The following OR6Y1 variants were observed in gnomAD, a reference collection of about 807,000 sequenced individuals.
OR6Y1 encodes olfactory receptor 6Y1.
In OR6Y1, 1 loss-of-function variant was observed where a neutral mutation model predicts 0.4. The ratio of observed to expected loss-of-function variants is 2.74; its 90% CI spans 0.97 to 13.02. The LOEUF (loss-of-function observed/expected upper bound fraction) is 13.02. OR6Y1 is among the 30% of genes most tolerant of loss of function. The pLI is 0.12. For missense variants in OR6Y1, 480 were observed against 399.8 expected (o/e 1.20, Z -1.71); for synonymous variants, 173 against 141.1 (o/e 1.23, Z -1.60).
intron 1 of OR6Y1, among the ~76,000 whole-genome samples, chr1:158,550,579 T>C (rs1438688728): frequency 2.6e-5 from 4 of 151,586 alleles, no homozygotes; most frequent in African/African-American, 4.9e-5. Context: ...TTCACACATA[T>C]GTATATATAG....
chr1:158,550,697 G>C (rs11265026), intron 1 of OR6Y1, among the ~76,000 whole-genome samples: 3,347 of 151,802 alleles, frequency 0.022, 55 homozygotes, highest in Non-Finnish European at 0.034. Flanking sequence ...CTAATTTCTA[G>C]GGCTAGATTG....
intron 1 of OR6Y1, among the ~76,000 whole-genome samples, chr1:158,552,595 G>A (rs1647732024): frequency 6.6e-6 from 1 of 152,026 alleles, no homozygotes. Context: ...GGAAGAAAAC[G>A]TATATGGTCA....
intron 1 of OR6Y1, among the ~76,000 whole-genome samples, chr1:158,553,399 A>G (rs1294477556): frequency 6.6e-6 from 1 of 152,132 alleles, no homozygotes; most frequent in Non-Finnish European, 1.5e-5. Context: ...TCAAATAGCT[A>G]GATATTTGAA....
intron 1 of OR6Y1, among the ~76,000 whole-genome samples, chr1:158,552,215 T>A (rs1247140973): frequency 2.1e-5 from 3 of 144,460 alleles, no homozygotes; most frequent in Non-Finnish European, 3.0e-5. Flanking sequence ...AATTTACATA[T>A]ATGTATGTAT....
intron 1 of OR6Y1, among the ~76,000 whole-genome samples, chr1:158,553,169 G>A (rs1336206689): frequency 2.6e-5 from 4 of 152,148 alleles, no homozygotes; most frequent in African/African-American, 9.7e-5. Context: ...GGTCCTTTGG[G>A]AAAAGTGGCT....
chr1:158,548,035 G>C lies in OR6Y1; in HGVS notation c.71C>G (p.Thr24Arg), dbSNP rs2101708039. 1 of 1,613,560 alleles carries C rather than the reference G, an allele frequency of 6.2e-7. No individual in the cohort carries two copies. Among genetic ancestry groups the C allele is most frequent in the Admixed American group, 1.7e-5 (1 of 59,984 alleles). Reference sequence around the variant, plus strand: ...AAAGAGAAGCTGGAAGGCTGGTCGTGTTGGAAACCCCAGAAGAATGAAACG... The same window carrying C: ...AAAGAGAAGCTGGAAGGCTGGTCGTCTTGGAAACCCCAGAAGAATGAAACG... Reference protein sequence around the residue: ...TTRFILLGFPTRPAFQLLFFS... With the variant: ...TTRFILLGFPRRPAFQLLFFS... Residue 24 changes from threonine to arginine, a missense_variant, in exon 2 of 2, where the codon ACA becomes AGA. By Grantham distance (71) the Thr-to-Arg change is moderately conservative. Transcript: ENST00000641622.
chr1:158,549,695 C>T (rs1434297672), intron 1 of OR6Y1, among the ~76,000 whole-genome samples, 158 bp from the exon 2 acceptor site: 1 of 151,778 alleles, frequency 6.6e-6, no homozygotes, highest in Non-Finnish European at 1.5e-5. Context: ...TGCACAAACA[C>T]AAACACACAC....
At chr1:158,552,285 G>A (rs1164592384) in intron 1 of OR6Y1, among the ~76,000 whole-genome samples, 1 of 149,498 alleles carries the variant, frequency 6.7e-6, no homozygotes, top group East Asian at 2.0e-4. Flanking sequence ...GTTCCCTAAA[G>A]TTTGTGATCA....
rs1647517683 is a variant in OR6Y1, at chr1:158,545,938, A to T, written c.*1190T>A. The T allele has an allele frequency of 6.6e-6, 1 of 152,202 alleles. No homozygotes were observed. Among genetic ancestry groups the T allele is most frequent in the South Asian group, 2.1e-4 (1 of 4,832 alleles). The allele number at this position is 152,202 out of a possible 1,614,324, so 9.4% of individuals were successfully genotyped here. A position where few individuals can be genotyped will look rare whatever the true frequency, so the allele number is the denominator to read the frequency against. ...GTATTTTTGATCTTAGGAATCACAA[A>T]TAAAGTACTTGGGAGGGCCATACTC... On this transcript the variant is annotated 3_prime_UTR_variant, in exon 2 of 2. Transcript: ENST00000641622.
intron 1 of OR6Y1, among the ~76,000 whole-genome samples, chr1:158,552,348 A>G (rs920451067): frequency 3.3e-5 from 5 of 151,502 alleles, no homozygotes; most frequent in African/African-American, 1.2e-4. Flanking sequence ...GACAAATATC[A>G]TCAGGCTATG....
intron 1 of OR6Y1, among the ~76,000 whole-genome samples, chr1:158,551,925 T>C (rs913127344): frequency 6.6e-6 from 1 of 152,066 alleles, no homozygotes; most frequent in Non-Finnish European, 1.5e-5. Flanking sequence ...CTTTGCCTGA[T>C]TTTTTCCAGG....
chr1:158,551,185 A>T (rs761412938), intron 1 of OR6Y1, among the ~76,000 whole-genome samples: 6 of 151,486 alleles, frequency 4.0e-5, no homozygotes, highest in Non-Finnish European at 7.4e-5. Context: ...CACTCTATGC[A>T]AGGAATGAAA....
chr1:158,545,109 T>A lies in OR6Y1; in HGVS notation c.*2019A>T, dbSNP rs1480026903. On this transcript the variant is annotated 3_prime_UTR_variant, in exon 2 of 2. Transcript: ENST00000641622. The stretch of plus-strand genomic sequence containing the variant: ...TGTTTTTAAGTCTTTGAGGAATCGT[T>A]ACACTGTCTTTTACATAGATTGAAC... The A allele has an allele frequency of 6.6e-6, 1 of 152,120 alleles. No homozygotes were observed. The highest frequency in any genetic ancestry group is 1.5e-5 in the Non-Finnish European group (1 of 68,016). The allele number at this position is 152,120 out of a possible 1,614,324, so 9.4% of individuals were successfully genotyped here. A position where few individuals can be genotyped will look rare whatever the true frequency, so the allele number is the denominator to read the frequency against.
rs1424745765 is a variant in OR6Y1 at position 158,544,661 on chromosome 1, G to C, written c.*2467C>G. The C allele has an allele frequency of 6.6e-6, 1 of 152,106 alleles. No individual in the cohort carries two copies. Among genetic ancestry groups the C allele is most frequent in the South Asian group, 2.1e-4 (1 of 4,818 alleles). 9.4% of individuals were successfully genotyped at this position (152,106 alleles called of 1,614,324 possible). On this transcript the variant is annotated 3_prime_UTR_variant, in exon 2 of 2. Transcript: ENST00000641622. ...CAGGTATCAAGCCTATTACCCATTA[G>C]TTATTTCTCCTGATCCTCTACCTCC...
chr1:158,553,923 C>A (rs1325079332), intron 1 of OR6Y1, among the ~76,000 whole-genome samples: 1 of 152,136 alleles, frequency 6.6e-6, no homozygotes, highest in Non-Finnish European at 1.5e-5. Flanking sequence ...ACAGTAGAGT[C>A]TTAAAATGAC....
In OR6Y1 at chr1:158,547,983, C is replaced by A. The variant is rs773110366; in HGVS notation, c.123G>T (p.Leu41=). Reference sequence around the variant, plus strand: ...TAAGAAGATTCTCCAGCAGTGTCAGCAGATAGGTTGCCAGGAAAATGGAGA... The same window carrying A: ...TAAGAAGATTCTCCAGCAGTGTCAGAAGATAGGTTGCCAGGAAAATGGAGA... ...LFFSIFLATY[L]LTLLENLLII... is the part of the protein sequence containing the mutation. Residue 41 remains leucine, a synonymous_variant, in exon 2 of 2, where the codon CTG becomes CTT. Transcript: ENST00000641622. The A allele has an allele frequency of 1.4e-5, 22 of 1,613,438 alleles. No homozygotes were observed. In the South Asian group the frequency reaches 2.4e-4, roughly 18 times the overall value.
At position 158,545,740 on chromosome 1, in the gene OR6Y1, G is replaced by T. The variant is rs1241395322; in HGVS notation, c.*1388C>A. 1.3e-5 allele frequency: 2 copies of T among 152,090 alleles called. No homozygotes were observed. The highest frequency in any genetic ancestry group is 4.8e-5 in the African/African-American group (2 of 41,422). 9.4% of individuals were successfully genotyped at this position (152,090 alleles called of 1,614,324 possible). A position where few individuals can be genotyped will look rare whatever the true frequency, so the allele number is the denominator to read the frequency against. ...TGCCAAAAATGTTTTCATTCTGTAG[G>T]TTGTTTGTTCACTCTGTTGATAATT... On this transcript the variant is annotated 3_prime_UTR_variant, in exon 2 of 2. Transcript: ENST00000641622.
chr1:158,547,434 A>C lies in OR6Y1; in HGVS notation c.672T>G (p.Ala224=). 6.2e-7 allele frequency: 1 copy of C among 1,613,572 alleles called. No individual in the cohort carries two copies. The highest frequency in any genetic ancestry group is 8.5e-7 in the Non-Finnish European group (1 of 1,179,980). ...TCCTGAGGATGGTGGCAAGGATAGC[A>C]GCGTAGGATGCCACCACAACACAAA... ...IPLCVVVASY[A]AILATILRIP... is the part of the protein sequence containing the mutation. Residue 224 remains alanine, a synonymous_variant, in exon 2 of 2, where the codon GCT becomes GCG. Transcript: ENST00000641622.
rs1039225503 is a variant in OR6Y1, at chr1:158,546,129, T to A, written c.*999A>T. 12 of 152,212 alleles carry A rather than the reference T, an allele frequency of 7.9e-5. No individual in the cohort carries two copies. The highest frequency in any genetic ancestry group is 1.8e-4 in the Non-Finnish European group (12 of 68,048). 9.4% of individuals were successfully genotyped at this position (152,212 alleles called of 1,614,324 possible). A position where few individuals can be genotyped will look rare whatever the true frequency, so the allele number is the denominator to read the frequency against. On this transcript the variant is annotated 3_prime_UTR_variant, in exon 2 of 2. Coordinates refer to ENST00000641622, the MANE Select transcript of OR6Y1 (RefSeq NM_001005189.2). ...TGTCTTTCCTCTGTGTGTGTCTGTG[T>A]CCAAATTTTTCCTTTTTATAATGAC...
Sources: gnomAD v4.1 joint callset for allele counts (sites outside exome capture counted in the v4.1 genomes callset) on GRCh38, gnomAD v4.1.1 for gene constraint, MANE v1.5 for transcripts, NCBI Gene and HGNC (gene_info 2026-07-23, HGNC 2026-07-21) for gene names.